The following ARHGEF10 variants were observed in gnomAD, a reference collection of about 807,000 sequenced individuals.
ARHGEF10 encodes Rho guanine nucleotide exchange factor (GEF) 10.
ARHGEF10 carries 140 observed loss-of-function variants against 147.4 expected under a neutral mutation model. The observed-to-expected ratio is 0.95, with a 90% CI of 0.83 to 1.09. ARHGEF10 has a LOEUF of 1.09. Ranked by LOEUF, ARHGEF10 falls within the 50% of genes least tolerant of loss-of-function variation. The pLI is 0.00. For missense variants in ARHGEF10, 2,222 were observed against 1,752.7 expected (o/e 1.27, Z -4.78); for synonymous variants, 902 against 695.8 (o/e 1.30, Z -4.67).
rs1812456028 is a variant in ARHGEF10, at chr8:1,923,524, GAAGA to G, written c.2322_2325del (p.Glu775MetfsTer54). On this transcript the variant is annotated frameshift_variant, in exon 20 of 29. Transcript: ENST00000349830. LOFTEE classifies it high-confidence loss of function. ...CATCAGGTTTACAAAGGCTTATTTT[GAAGA>G]AAGAAGATGAAATCAGAGCTGCGGA... is the stretch of plus-strand genomic sequence containing the variant. 6.2e-7 allele frequency: 1 copy of G among 1,613,978 alleles called. No individual in the cohort carries two copies. The highest frequency in any genetic ancestry group is 1.3e-5 in the African/African-American group (1 of 74,926).
In ARHGEF10 at chr8:1,905,372, C is replaced by T. The variant is rs186804679; in HGVS notation, c.1822-199C>T. On this transcript the variant is annotated intron_variant, in intron 16 of 28. Coordinates refer to ENST00000349830, the MANE Select transcript of ARHGEF10 (RefSeq NM_014629.4). ...TTCCTGGTTAATGTAGTGTTTAAAT[C>T]GCGGGAGGGCCAACTGCGGTGAAAG... is the stretch of plus-strand genomic sequence containing the variant. 1.7e-3 allele frequency among the ~76,000 whole-genome samples: 262 copies of T among 152,238 alleles called. 1 individual carries two copies. Among genetic ancestry groups the T allele is most frequent in the Admixed American group, 4.3e-3 (66 of 15,280 alleles).
chr8:1,946,864 G>A lies in ARHGEF10; in HGVS notation c.3397+1209G>A, dbSNP rs534653480. Among the ~76,000 whole-genome samples, 17 of 152,340 alleles carry A rather than the reference G, an allele frequency of 1.1e-4. No individual in the cohort carries two copies. In the South Asian group the frequency reaches 1.7e-3, roughly 15 times the overall value. ...CCCGCCGCACTCCCACTGGAGATGG[G>A]AGGGTGAATATATTCGGTGCACGGT... On this transcript the variant is annotated intron_variant, in intron 27 of 28. Transcript: ENST00000349830.
At chr8:1,949,883 A>G (rs578139666) in intron 27 of ARHGEF10, among the ~76,000 whole-genome samples, 1 of 152,016 alleles carries the variant, frequency 6.6e-6, no homozygotes, top group Non-Finnish European at 1.5e-5. Context: ...CCCTGGTAGC[A>G]TTCCCTCCCA....
chr8:1,951,647 A>G (rs1480637243), intron 27 of ARHGEF10, among the ~76,000 whole-genome samples: 1 of 152,194 alleles, frequency 6.6e-6, no homozygotes, highest in African/African-American at 2.4e-5. Context: ...TATCTACAGA[A>G]AAGAATCAAA....
At chr8:1,870,157 G>C (rs1379056531) in intron 7 of ARHGEF10, 1 of 151,862 alleles carries the variant, frequency 6.6e-6, no homozygotes, top group African/African-American at 2.4e-5. Flanking sequence ...GCCGACTGAA[G>C]AGGAGGGTGA....
chr8:1,930,307 C>T (rs1004695638), intron 25 of ARHGEF10, among the ~76,000 whole-genome samples: 16 of 152,086 alleles, frequency 1.1e-4, no homozygotes, highest in African/African-American at 3.9e-4. Context: ...AGGCCATCCA[C>T]CACTTGTTCT....
rs993600437 is a variant in ARHGEF10, at chr8:1,956,733, C to A, written c.3521-16C>A. 19 of 1,613,542 alleles carry A rather than the reference C, an allele frequency of 1.2e-5. No homozygotes were observed. Among genetic ancestry groups the A allele is most frequent in the Non-Finnish European group, 1.6e-5 (19 of 1,179,948 alleles). Reference sequence around the variant, plus strand: ...CCTATTTTAAAAGACAGCTGTTGAACTGTTTCCCTTTTCAGGAAGAGGCAT... The same window carrying A: ...CCTATTTTAAAAGACAGCTGTTGAAATGTTTCCCTTTTCAGGAAGAGGCAT... On this transcript the variant is annotated splice_polypyrimidine_tract_variant and intron_variant, in intron 28 of 28. Coordinates refer to ENST00000349830, the MANE Select transcript of ARHGEF10 (RefSeq NM_014629.4).
intron 2 of ARHGEF10, among the ~76,000 whole-genome samples, chr8:1,851,162 CG>C (rs1563176719): frequency 2.0e-5 from 3 of 151,472 alleles, no homozygotes; most frequent in African/African-American, 7.3e-5. Context: ...CGAGGCCTCA[CG>C]CACACCGTGG....
At chr8:1,901,954 A>C (rs966162720) in intron 15 of ARHGEF10, among the ~76,000 whole-genome samples, 1 of 150,878 alleles carries the variant, frequency 6.6e-6, no homozygotes, top group Non-Finnish European at 1.5e-5. Context: ...TCCTATAAAC[A>C]TGTCAAAGAT....
At chr8:1,898,702 C>G (rs1810219787) in intron 15 of ARHGEF10, among the ~76,000 whole-genome samples, 177 bp downstream of exon 15, 1 of 152,150 alleles carries the variant, frequency 6.6e-6, no homozygotes, top group Non-Finnish European at 1.5e-5. Context: ...GAGAGTCACC[C>G]TACGCCGGGG....
chr8:1,848,648 A>G (rs1804737328), intron 2 of ARHGEF10, among the ~76,000 whole-genome samples: 1 of 152,254 alleles, frequency 6.6e-6, no homozygotes, highest in Non-Finnish European at 1.5e-5. Flanking sequence ...AATTAAAAAA[A>G]TTACAATGCA....
At chr8:1,905,887 T>C (rs1033162049) in intron 17 of ARHGEF10, among the ~76,000 whole-genome samples, 171 bp downstream of exon 17, 2 of 152,216 alleles carry the variant, frequency 1.3e-5, no homozygotes, top group Non-Finnish European at 2.9e-5. Flanking sequence ...TATTTTTAAA[T>C]AGATTCAGTG....
intron 15 of ARHGEF10, among the ~76,000 whole-genome samples, chr8:1,902,966 G>A (rs565751039): frequency 6.6e-6 from 1 of 152,304 alleles, no homozygotes; most frequent in South Asian, 2.1e-4. Context: ...AACTTGAGAA[G>A]GAGAATCTAT....
intron 11 of ARHGEF10, among the ~76,000 whole-genome samples, chr8:1,893,310 G>A (rs996545155): frequency 1.3e-5 from 2 of 152,238 alleles, no homozygotes; most frequent in Admixed American, 1.3e-4. Context: ...ATAAATGAAG[G>A]AATTTCTTTT....
At chr8:1,905,253 C>A (rs1448601567) in intron 16 of ARHGEF10, among the ~76,000 whole-genome samples, 2 of 140,182 alleles carry the variant, frequency 1.4e-5, no homozygotes, top group African/African-American at 5.9e-5. Flanking sequence ...ATATGGCCTA[C>A]CTTTAAGAAG....
At chr8:1,837,046 G>A (rs1449705446) in intron 1 of ARHGEF10, among the ~76,000 whole-genome samples, 1 of 152,228 alleles carries the variant, frequency 6.6e-6, no homozygotes, top group African/African-American at 2.4e-5. Context: ...TTTATCAGCA[G>A]CGTGAAAGTG....
intron 1 of ARHGEF10, among the ~76,000 whole-genome samples, chr8:1,838,367 C>G (rs1563155882): frequency 6.6e-6 from 1 of 152,256 alleles, no homozygotes; most frequent in Admixed American, 6.5e-5. Context: ...TTCCATCCGT[C>G]TCTGAGGCTG....
At chr8:1,925,073 G>C (rs989849680) in intron 21 of ARHGEF10, among the ~76,000 whole-genome samples, 1 of 152,216 alleles carries the variant, frequency 6.6e-6, no homozygotes, top group African/African-American at 2.4e-5. Flanking sequence ...CACTTAGATG[G>C]GGCCAGGCTG....
At chr8:1,859,579 G>T (rs377593548) in intron 3 of ARHGEF10, among the ~76,000 whole-genome samples, 2 of 151,702 alleles carry the variant, frequency 1.3e-5, no homozygotes, top group Non-Finnish European at 2.9e-5. Context: ...CTTGCATGGT[G>T]TTTCTTTGTG....
Sources: allele counts gnomAD v4.1 joint callset (sites outside exome capture counted in the v4.1 genomes callset), GRCh38; gene constraint gnomAD v4.1.1; transcripts MANE v1.5; gene names NCBI Gene and HGNC (gene_info 2026-07-23, HGNC 2026-07-21).